Variants in NPAS3 observed in about 807,000 individuals in gnomAD.
NPAS3 encodes the protein neuronal PAS domain protein 3, also known as neuronal PAS domain-containing protein 3.
NPAS3 carries 14 observed loss-of-function variants against 73.1 expected under a neutral mutation model. That is an observed-to-expected ratio of 0.19 (90% CI 0.13 to 0.30). The LOEUF is 0.30. NPAS3 is among the 10% of genes least tolerant of loss of function. NPAS3 has a pLI of 1.00. For missense variants in NPAS3, 1,096 were observed against 1,250.0 expected (o/e 0.88, Z 1.86); for synonymous variants, 620 against 541.5 (o/e 1.14, Z -2.01).
chr14:33,674,583 G>A (rs754470800), intron 5 of NPAS3, among the ~76,000 whole-genome samples: 1 of 152,204 alleles, frequency 6.6e-6, no homozygotes, highest in East Asian at 1.9e-4. Context: ...CAGAGGGTAA[G>A]AGCTGATCAC....
At chr14:33,062,203 T>C (rs1288859533) in intron 2 of NPAS3, among the ~76,000 whole-genome samples, 3 of 151,910 alleles carry the variant, frequency 2.0e-5, no homozygotes, top group Non-Finnish European at 4.4e-5. Flanking sequence ...GAGTGTTCCA[T>C]AGCTTCCTCT....
intron 1 of NPAS3, among the ~76,000 whole-genome samples, chr14:32,962,261 A>G (rs1006635739): frequency 3.3e-5 from 5 of 152,140 alleles, no homozygotes; most frequent in African/African-American, 1.2e-4. Flanking sequence ...AAATTGAAAA[A>G]CGTAAGACTA....
At chr14:32,946,895 C>A (rs1566789170) in intron 1 of NPAS3, among the ~76,000 whole-genome samples, 3 of 152,110 alleles carry the variant, frequency 2.0e-5, no homozygotes, top group Non-Finnish European at 2.9e-5. Context: ...ACCATCAGAT[C>A]ATCTTAAAAG....
rs185126681 is a variant in NPAS3, at chr14:33,768,430, C to G, written c.853-5907C>G. On this transcript the variant is annotated intron_variant, in intron 7 of 11. Transcript: ENST00000356141. Reference sequence around the variant, plus strand: ...GAGGCAGCTTTTACCCAGCATTGGCCAGAACCAAAGCTTATTTCAATTCAA... The same window carrying G: ...GAGGCAGCTTTTACCCAGCATTGGCGAGAACCAAAGCTTATTTCAATTCAA... Among the ~76,000 whole-genome samples the G allele has an allele frequency of 3.6e-3, 544 of 152,250 alleles. 2 individuals carry two copies. The highest frequency in any genetic ancestry group is 0.012 in the African/African-American group (514 of 41,548).
At chr14:33,607,110 T>C (rs2057594194) in intron 5 of NPAS3, among the ~76,000 whole-genome samples, 1 of 152,156 alleles carries the variant, frequency 6.6e-6, no homozygotes, top group African/African-American at 2.4e-5. Context: ...AAAAATAGTT[T>C]AGCAATTTTC....
chr14:33,676,539 G>T (rs1045736554), intron 6 of NPAS3, among the ~76,000 whole-genome samples, 154 bp downstream of exon 6: 11 of 152,310 alleles, frequency 7.2e-5, no homozygotes, highest in Admixed American at 4.6e-4. Context: ...AAATAAGGAA[G>T]AGATCTGAAA....
At chr14:33,354,849 T>A (rs73258851) in intron 3 of NPAS3, among the ~76,000 whole-genome samples, 1 of 152,182 alleles carries the variant, frequency 6.6e-6, no homozygotes, top group Non-Finnish European at 1.5e-5. Context: ...CGGTCTTACT[T>A]AGTTACTAGG....
At chr14:33,516,064 A>C (rs1362326477) in intron 4 of NPAS3, among the ~76,000 whole-genome samples, 1 of 151,834 alleles carries the variant, frequency 6.6e-6, no homozygotes, top group Non-Finnish European at 1.5e-5. Context: ...CCCTCATAGC[A>C]TCTCTGCTAA....
At chr14:33,262,488 C>A (rs1191567493) in intron 3 of NPAS3, among the ~76,000 whole-genome samples, 1 of 152,112 alleles carries the variant, frequency 6.6e-6, no homozygotes, top group Non-Finnish European at 1.5e-5. Context: ...TAGGTAGACA[C>A]ACAATTTAAG....
In NPAS3 at chr14:33,800,078, G is replaced by C; in HGVS notation, c.1771G>C (p.Ala591Pro). Residue 591 changes from alanine (A) to proline (P), a missense_variant, in exon 12 of 12, where the codon GCG (alanine) becomes CCG (proline). Transcript: ENST00000356141. This position sits in a 1 kb window ranked among gnomAD's most constrained non-coding sequence, Gnocchi z 6.5. Reference sequence around the variant, plus strand: ...CTCGGACAGCGCAGGCGAGGCGGGCGCGCAGGCCTCCAGCAAGCACCAGAA... The same window carrying C: ...CTCGGACAGCGCAGGCGAGGCGGGCCCGCAGGCCTCCAGCAAGCACCAGAA... 6.3e-7 allele frequency: 1 copy of C among 1,597,230 alleles called. No individual in the cohort carries two copies.
At chr14:33,046,788 C>A (rs2040523851) in intron 1 of NPAS3, among the ~76,000 whole-genome samples, 1 of 152,062 alleles carries the variant, frequency 6.6e-6, no homozygotes, top group Admixed American at 6.5e-5. Context: ...CCAGCCTGGC[C>A]AACATGGTGA....
At chr14:33,171,794 C>T (rs1308065660) in intron 2 of NPAS3, among the ~76,000 whole-genome samples, 1 of 152,198 alleles carries the variant, frequency 6.6e-6, no homozygotes, top group Non-Finnish European at 1.5e-5. Flanking sequence ...AGTGACCTAG[C>T]TTTTGGCCTA....
At chr14:33,437,418 G>A (rs1351103676) in intron 4 of NPAS3, among the ~76,000 whole-genome samples, 2 of 152,140 alleles carry the variant, frequency 1.3e-5, no homozygotes. Flanking sequence ...GGTTAAGAAG[G>A]ACATGACTTA....
chr14:33,206,221 A>G (rs1347848898), intron 2 of NPAS3, among the ~76,000 whole-genome samples: 1 of 152,224 alleles, frequency 6.6e-6, no homozygotes, highest in Non-Finnish European at 1.5e-5. Flanking sequence ...AATATTGCAC[A>G]TTAGTGATAA....
In NPAS3 at chr14:33,267,015, G is replaced by T. The variant is rs114559764; in HGVS notation, c.385+51589G>T. 5.5e-3 allele frequency among the ~76,000 whole-genome samples: 839 copies of T among 152,232 alleles called. 6 individuals are homozygous for T. The highest frequency in any genetic ancestry group is 0.019 in the African/African-American group (779 of 41,564). On this transcript the variant is annotated intron_variant, in intron 3 of 11. Coordinates refer to ENST00000356141, the Ensembl canonical transcript of NPAS3. ...AAAGAATTGTTTGGGATGGGTAATTGCCAGCTTGACATTTGTTATTATGGC... is the reference window on the plus strand; with the variant it reads ...AAAGAATTGTTTGGGATGGGTAATTTCCAGCTTGACATTTGTTATTATGGC...
chr14:33,479,217 G>C (rs1325219371), intron 4 of NPAS3, among the ~76,000 whole-genome samples: 1 of 152,138 alleles, frequency 6.6e-6, no homozygotes, highest in African/African-American at 2.4e-5. Flanking sequence ...TGTTTATGAA[G>C]AGTATGCTTT....
intron 2 of NPAS3, among the ~76,000 whole-genome samples, chr14:33,141,841 T>C (rs1346162904): frequency 6.6e-6 from 1 of 152,210 alleles, no homozygotes; most frequent in East Asian, 1.9e-4. Context: ...ATCTGATACG[T>C]ATCGATAGAT....
chr14:33,657,602 G>C (rs930201873), intron 5 of NPAS3, among the ~76,000 whole-genome samples: 2 of 152,198 alleles, frequency 1.3e-5, no homozygotes, highest in African/African-American at 4.8e-5. Context: ...GTGTGAGATT[G>C]CTTTAATAAA....
chr14:33,242,802 C>G (rs1162905381), intron 3 of NPAS3, among the ~76,000 whole-genome samples: 1 of 152,048 alleles, frequency 6.6e-6, no homozygotes, highest in Non-Finnish European at 1.5e-5. Context: ...TACATTGCTC[C>G]AAGATAAATC....
Sources: gnomAD v4.1 joint callset for allele counts (sites outside exome capture counted in the v4.1 genomes callset) on GRCh38, gnomAD v4.1.1 for gene constraint, Gnocchi (gnomAD v3.1) non-coding constraint, MANE v1.5 for transcripts, NCBI Gene and HGNC (gene_info 2026-07-23, HGNC 2026-07-21) for gene names.